The following PDXK variants were observed in gnomAD, a reference collection of about 807,000 sequenced individuals.
The protein encoded by PDXK is epididymis secretory sperm binding protein Li 1a.
Under a neutral mutation model 43.2 loss-of-function variants are expected in PDXK, and 15 were observed. That is an observed-to-expected ratio of 0.35 (90% confidence interval 0.23 to 0.53). The LOEUF (loss-of-function observed/expected upper bound fraction) is 0.53. Among genes scored for constraint, PDXK ranks in the 20% least tolerant of loss-of-function variants. The pLI, the probability that PDXK is intolerant of heterozygous loss-of-function variation, is 0.92. For missense variants in PDXK, 343 were observed against 417.0 expected, an observed-to-expected ratio of 0.82 and a Z score of 1.54; for synonymous variants, 172 against 165.4, an observed-to-expected ratio of 1.04 and a Z score of -0.31.
In PDXK at chr21:43,756,402, G is replaced by T. The variant is rs1453535495; in HGVS notation, c.*339G>T. On this transcript the variant is annotated 3_prime_UTR_variant, in exon 11 of 11. Coordinates refer to ENST00000291565, the MANE Select transcript of PDXK (RefSeq NM_003681.5). Reference sequence around the variant, plus strand: ...GCCTGCTGCGTGTGGAGCCTCGAGTGGGCCCTGGCTGCCACTACCGTACAG... The same window carrying T: ...GCCTGCTGCGTGTGGAGCCTCGAGTTGGCCCTGGCTGCCACTACCGTACAG... The T allele has an allele frequency of 3.9e-6, 1 of 259,390 alleles. No homozygotes were observed. Among genetic ancestry groups the T allele is most frequent in the Non-Finnish European group, 7.7e-6 (1 of 130,084 alleles). The allele number at this position is 259,390 out of a possible 1,614,324, so 16.1% of individuals were successfully genotyped here.
chr21:43,750,916 GTGCA>G (rs1336354389), intron 7 of PDXK, among the ~76,000 whole-genome samples: 1 of 66,458 alleles, frequency 1.5e-5, no homozygotes, highest in African/African-American at 5.0e-5. Context: ...GCACGCATGT[GTGCA>G]TGTGTGTGCG....
At chr21:43,733,367 C>G (rs998039246) in intron 1 of PDXK, among the ~76,000 whole-genome samples, 1 of 150,624 alleles carries the variant, frequency 6.6e-6, no homozygotes, top group Non-Finnish European at 1.5e-5. Context: ...GTTGGCTGTT[C>G]AGATGCAGCA....
rs1453597746 is a variant in PDXK at position 43,761,235 on chromosome 21, C to T, written c.*5172C>T. On this transcript the variant is annotated 3_prime_UTR_variant, in exon 11 of 11. Transcript: ENST00000291565. Reference sequence around the variant, plus strand: ...CCCAGCTTCAAGGCTGTGGTGGGAACAGCACCCCCAAATGCCAGCCTCTCC... The same window carrying T: ...CCCAGCTTCAAGGCTGTGGTGGGAATAGCACCCCCAAATGCCAGCCTCTCC... 6.6e-6 allele frequency: 1 copy of T among 152,238 alleles called. No homozygotes were observed. Among genetic ancestry groups the T allele is most frequent in the Admixed American group, 6.5e-5 (1 of 15,286 alleles). The allele number at this position is 152,238 out of a possible 1,614,324, so 9.4% of individuals were successfully genotyped here. A position where few individuals can be genotyped will look rare whatever the true frequency, so the allele number is the denominator to read the frequency against.
intron 2 of PDXK, chr21:43,741,161 T>G (rs1198618334): frequency 3.3e-3 from 6 of 1,816 alleles, no homozygotes; most frequent in African/African-American, 0.023. Flanking sequence ...GGCGGGGGGC[T>G]CGCGGGGGGG....
rs371557326 is a variant in PDXK, at chr21:43,737,368, G to C, written c.142+3245G>C. 1 of 1,239,946 alleles carries C rather than the reference G, an allele frequency of 8.1e-7. No homozygotes were observed. The highest frequency in any genetic ancestry group is 1.0e-6 in the Non-Finnish European group (1 of 984,988). 76.8% of individuals were successfully genotyped at this position (1,239,946 alleles called of 1,614,324 possible). A position where few individuals can be genotyped will look rare whatever the true frequency, so the allele number is the denominator to read the frequency against. On this transcript the variant is annotated intron_variant, in intron 2 of 10. Transcript: ENST00000291565. The surrounding 1 kb of genome is among the most constrained non-coding windows in gnomAD (Gnocchi z 4.8). ...TCCTTGAGGCCGTACCACAAGGTGC[G>C]TTCATTTTTCCACACCGTGAGCTGG... is the stretch of plus-strand genomic sequence containing the variant.
At chr21:43,731,332 A>T (rs1023245559) in intron 1 of PDXK, among the ~76,000 whole-genome samples, 1 of 152,072 alleles carries the variant, frequency 6.6e-6, no homozygotes, top group Non-Finnish European at 1.5e-5. Flanking sequence ...ATTCAATTAA[A>T]CTCTCCTGGA....
At chr21:43,719,984 C>T (rs1052225070) in intron 1 of PDXK, 15 of 909,114 alleles carry the variant, frequency 1.6e-5, no homozygotes, top group African/African-American at 5.4e-5. Flanking sequence ...CTGCTCTGCA[C>T]CCTCTAGCAG....
intron 7 of PDXK, 133 bp from the exon 8 acceptor site, chr21:43,752,385 G>C (rs2083768979): frequency 1.6e-6 from 1 of 644,734 alleles, no homozygotes; most frequent in African/African-American, 1.8e-5. Context: ...ACGGGCTCTG[G>C]GGGAGTGGGG....
chr21:43,739,650 C>A (rs1568980604), intron 2 of PDXK, among the ~76,000 whole-genome samples: 1 of 151,626 alleles, frequency 6.6e-6, no homozygotes, highest in African/African-American at 2.4e-5. Context: ...ATCATGAGAA[C>A]AAGATGGGGG....
At chr21:43,727,003 C>T (rs553224840) in intron 1 of PDXK, among the ~76,000 whole-genome samples, 5 of 152,266 alleles carry the variant, frequency 3.3e-5, no homozygotes, top group South Asian at 2.1e-4. Flanking sequence ...TGTGTGTATG[C>T]GGTGTGTTGC....
At chr21:43,750,378 A>C in intron 6 of PDXK, 122 bp from the exon 7 acceptor site, 17 of 845,756 alleles carry the variant, frequency 2.0e-5, no homozygotes, top group Non-Finnish European at 2.8e-5. Context: ...CAGTGGACGA[A>C]GAGTTAGCTG....
rs528732856 is a variant in PDXK, at chr21:43,737,898, G to T, written c.143-3769G>T. Reference sequence around the variant, plus strand: ...CAAGCGCCCTCCCCTGTTGGAGAAGGTTCTTGTGGGCTCTGGGCCCATCCC... The same window carrying T: ...CAAGCGCCCTCCCCTGTTGGAGAAGTTTCTTGTGGGCTCTGGGCCCATCCC... On this transcript the variant is annotated intron_variant, in intron 2 of 10. Coordinates refer to ENST00000291565, the MANE Select transcript of PDXK (RefSeq NM_003681.5). The surrounding 1 kb of genome is among the most constrained non-coding windows in gnomAD (Gnocchi z 4.8). 4.1e-6 allele frequency: 4 copies of T among 985,506 alleles called. No individual in the cohort carries two copies. In the African/African-American group the frequency reaches 5.2e-5, roughly 13 times the overall value. 61.0% of individuals were successfully genotyped at this position (985,506 alleles called of 1,614,324 possible).
intron 8 of PDXK, 33 bp downstream of exon 8, chr21:43,752,662 C>G: frequency 7.8e-7 from 1 of 1,289,188 alleles, no homozygotes. Flanking sequence ...GTGGCCGCCT[C>G]TGCTCTTCCC....
intron 7 of PDXK, among the ~76,000 whole-genome samples, chr21:43,751,374 C>T (rs780199089): frequency 4.6e-5 from 7 of 152,126 alleles, no homozygotes; most frequent in Non-Finnish European, 8.8e-5. Flanking sequence ...CATGGTAAAA[C>T]CCCATCTCTA....
At chr21:43,727,745 G>A (rs1247833977) in intron 1 of PDXK, among the ~76,000 whole-genome samples, 1 of 152,240 alleles carries the variant, frequency 6.6e-6, no homozygotes, top group African/African-American at 2.4e-5. Flanking sequence ...GGGAGGAACA[G>A]CATCCAGGAG....
chr21:43,756,273 A>C lies in PDXK; in HGVS notation c.*210A>C. The C allele has an allele frequency of 2.3e-6, 1 of 437,428 alleles. No individual in the cohort carries two copies. Among genetic ancestry groups the C allele is most frequent in the Non-Finnish European group, 4.1e-6 (1 of 241,330 alleles). The allele number at this position is 437,428 out of a possible 1,614,324, so 27.1% of individuals were successfully genotyped here. ...TGGTCACAGAAATTTGTGATCTGAA[A>C]ACCCGGCTCCCTTCCCCACAAGGCT... On this transcript the variant is annotated 3_prime_UTR_variant, in exon 11 of 11. Coordinates refer to ENST00000291565, the MANE Select transcript of PDXK (RefSeq NM_003681.5).
intron 1 of PDXK, among the ~76,000 whole-genome samples, chr21:43,733,253 A>ACCCCCC (rs1226314950): frequency 3.2e-4 from 18 of 56,162 alleles, no homozygotes; most frequent in South Asian, 1.1e-3. Flanking sequence ...CCCCATCCCC[A>ACCCCCC]CCCCCCCCCC....
chr21:43,719,676 C>T (rs2083190345), intron 1 of PDXK: 2 of 985,324 alleles, frequency 2.0e-6, no homozygotes, highest in African/African-American at 3.5e-5. Flanking sequence ...GTCCTCGCCC[C>T]TTCCCGCCGA....
intron 7 of PDXK, among the ~76,000 whole-genome samples, chr21:43,750,789 T>TGG (rs1304389024): frequency 2.9e-5 from 4 of 136,820 alleles, no homozygotes; most frequent in South Asian, 2.3e-4. Context: ...TGTGGGTGTG[T>TGG]GTGTGGATGT....
Sources: allele counts gnomAD v4.1 joint callset (sites outside exome capture counted in the v4.1 genomes callset), GRCh38; gene constraint gnomAD v4.1.1; non-coding constraint Gnocchi (gnomAD v3.1); transcripts MANE v1.5; gene names NCBI Gene and HGNC (gene_info 2026-07-23, HGNC 2026-07-21).